Variants in C10orf90 observed in about 807,000 individuals in gnomAD.
The protein encoded by C10orf90 is chromosome 10 open reading frame 90, also known as (E2-independent) E3 ubiquitin-conjugating enzyme FATS.
Under a neutral mutation model 62.5 loss-of-function variants are expected in C10orf90, and 56 were observed. The ratio of observed to expected loss-of-function variants is 0.90; its 90% CI spans 0.72 to 1.12. The LOEUF (loss-of-function observed/expected upper bound fraction) is 1.12. C10orf90 is among the 50% of genes most tolerant of loss of function. The pLI, the probability that C10orf90 is intolerant of heterozygous loss-of-function variation, is 0.00. For synonymous variants in C10orf90, 386 were observed against 340.4 expected (o/e 1.13, Z -1.47); for missense variants, 970 against 880.4 (o/e 1.10, Z -1.29).
intron 2 of C10orf90, 28 bp downstream of exon 2, chr10:126,646,537 C>A (rs561292347): frequency 2.4e-4 from 90 of 377,324 alleles, no homozygotes; most frequent in African/African-American, 1.7e-3. Context: ...GAAAGGGAAC[C>A]CTGCCTGGGC....
At chr10:126,553,667 G>T (rs35096961) in intron 2 of C10orf90, among the ~76,000 whole-genome samples, 1 of 152,128 alleles carries the variant, frequency 6.6e-6, no homozygotes, top group Non-Finnish European at 1.5e-5. Context: ...TTGTAACCTA[G>T]GGGTAATAGG....
chr10:126,613,751 C>T (rs1226298821), intron 2 of C10orf90, among the ~76,000 whole-genome samples: 3 of 152,194 alleles, frequency 2.0e-5, no homozygotes, highest in East Asian at 3.9e-4. Context: ...TTCACAAGCA[C>T]GTGACCTTCA....
chr10:126,529,336 A>G (rs770433986), intron 2 of C10orf90, among the ~76,000 whole-genome samples: 1 of 152,160 alleles, frequency 6.6e-6, no homozygotes, highest in African/African-American at 2.4e-5. Flanking sequence ...AATATTCCCA[A>G]AGACAAACAC....
chr10:126,563,321 GC>G (rs1864946067), intron 2 of C10orf90, among the ~76,000 whole-genome samples: 1 of 152,262 alleles, frequency 6.6e-6, no homozygotes, highest in East Asian at 1.9e-4. Flanking sequence ...TGAGACCCCA[GC>G]TTTTACCCCC....
chr10:126,555,511 CA>C (rs10541392), intron 2 of C10orf90, among the ~76,000 whole-genome samples: 1,505 of 148,242 alleles, frequency 0.01, 21 homozygotes, highest in African/African-American at 0.035. Context: ...CTGTGTCTAC[CA>C]AAAAAAAAAA....
chr10:126,649,348 T>C (rs979444305), intron 1 of C10orf90, among the ~76,000 whole-genome samples: 9 of 152,162 alleles, frequency 5.9e-5, no homozygotes, highest in African/African-American at 2.2e-4. Flanking sequence ...ACACTTTCCA[T>C]TGCCATTAGG....
intron 4 of C10orf90, among the ~76,000 whole-genome samples, chr10:126,487,610 G>C (rs761879436): frequency 6.6e-6 from 1 of 152,092 alleles, no homozygotes. Flanking sequence ...AAACAAAGAT[G>C]TTTTTAGGAT....
intron 2 of C10orf90, among the ~76,000 whole-genome samples, chr10:126,611,311 A>G (rs943009604): frequency 2.0e-5 from 3 of 152,228 alleles, no homozygotes; most frequent in Non-Finnish European, 4.4e-5. Context: ...TCATCCATGT[A>G]GTAATATGTG....
At chr10:126,666,494 G>A (rs1412992781) in intron 1 of C10orf90, among the ~76,000 whole-genome samples, 3 of 152,110 alleles carry the variant, frequency 2.0e-5, no homozygotes, top group African/African-American at 7.2e-5. Flanking sequence ...GATAAAATGA[G>A]GAGACAAGGA....
At position 126,656,948 on chromosome 10, in the gene C10orf90, T is replaced by C. The variant is rs554686550; in HGVS notation, c.241-10311A>G. 2.6e-5 allele frequency among the ~76,000 whole-genome samples: 4 copies of C among 152,324 alleles called. No homozygotes were observed. In the South Asian group the frequency reaches 8.3e-4, roughly 32 times the overall value. ...TACAACTAGTTCGGGAAACAGGACA[T>C]GCACCTGACCTCAGGGATCTCACTG... On this transcript the variant is annotated intron_variant, in intron 1 of 9. Transcript: ENST00000488181.
chr10:126,540,879 A>G (rs1182238880), intron 2 of C10orf90, among the ~76,000 whole-genome samples: 1 of 152,190 alleles, frequency 6.6e-6, no homozygotes, highest in East Asian at 1.9e-4. Context: ...AATATTTTAA[A>G]TCAAAAGGAA....
At chr10:126,595,865 T>A (rs182558568) in intron 2 of C10orf90, among the ~76,000 whole-genome samples, 4 of 152,230 alleles carry the variant, frequency 2.6e-5, no homozygotes, top group Admixed American at 2.6e-4. Flanking sequence ...GTACCTCTTC[T>A]TGGGTGTCTG....
At chr10:126,577,962 T>G (rs1256975467) in intron 2 of C10orf90, among the ~76,000 whole-genome samples, 1 of 152,194 alleles carries the variant, frequency 6.6e-6, no homozygotes, top group Admixed American at 6.5e-5. Flanking sequence ...TCCCCTATTT[T>G]CATCATACAC....
intron 7 of C10orf90, among the ~76,000 whole-genome samples, chr10:126,458,395 A>G (rs1014050040): frequency 1.2e-4 from 18 of 152,154 alleles, no homozygotes; most frequent in African/African-American, 4.3e-4. Context: ...GATGTCCCCC[A>G]TCCTTACCCT....
chr10:126,478,648 GC>G (rs546882150), intron 4 of C10orf90, among the ~76,000 whole-genome samples: 373 of 152,218 alleles, frequency 2.5e-3, no homozygotes, highest in African/African-American at 7.3e-3. Context: ...CTGGATGAAG[GC>G]CAGATGAAGA....
At chr10:126,586,918 G>C (rs1844884188) in intron 2 of C10orf90, among the ~76,000 whole-genome samples, 1 of 152,194 alleles carries the variant, frequency 6.6e-6, no homozygotes, top group Non-Finnish European at 1.5e-5. Context: ...GGGGCTCTCA[G>C]AGGCCAGGAA....
chr10:126,430,902 AG>A (rs1315206343), intron 7 of C10orf90, among the ~76,000 whole-genome samples: 2 of 152,188 alleles, frequency 1.3e-5, no homozygotes, highest in Non-Finnish European at 2.9e-5. Flanking sequence ...GGAATATCTA[AG>A]AAGGTAGGAT....
intron 1 of C10orf90, among the ~76,000 whole-genome samples, chr10:126,665,654 T>C (rs1846611791): frequency 1.3e-5 from 2 of 152,086 alleles, no homozygotes; most frequent in Admixed American, 1.3e-4. Context: ...CTATGACCCC[T>C]GAGAGGAGGA....
At chr10:126,482,288 T>C (rs1861211412) in intron 4 of C10orf90, among the ~76,000 whole-genome samples, 1 of 152,216 alleles carries the variant, frequency 6.6e-6, no homozygotes, top group South Asian at 2.1e-4. Flanking sequence ...GCCCCTATAC[T>C]ATGAATCTAC....
Sources: allele counts gnomAD v4.1 joint callset (sites outside exome capture counted in the v4.1 genomes callset), GRCh38; gene constraint gnomAD v4.1.1; transcripts MANE v1.5; gene names NCBI Gene and HGNC (gene_info 2026-07-23, HGNC 2026-07-21).